Variants in SLC8A3 observed in about 807,000 individuals in gnomAD.
SLC8A3 encodes the protein sodium/calcium exchanger 3.
A neutral mutation model predicts 65.4 loss-of-function variants in SLC8A3; 37 were observed. The observed-to-expected ratio is 0.57, with a 90% CI of 0.44 to 0.74. The LOEUF (loss-of-function observed/expected upper bound fraction) is 0.74. Among genes scored for constraint, SLC8A3 ranks in the 30% least tolerant of loss-of-function variants. The pLI, the probability that SLC8A3 is intolerant of heterozygous loss-of-function variation, is 0.00. For missense variants in SLC8A3, 1,112 were observed against 1,172.1 expected (o/e 0.95, Z 0.75); for synonymous variants, 461 against 444.5 (o/e 1.04, Z -0.47).
intron 2 of SLC8A3, among the ~76,000 whole-genome samples, chr14:70,141,986 C>A (rs1044591581): frequency 6.6e-6 from 1 of 152,176 alleles, no homozygotes; most frequent in Non-Finnish European, 1.5e-5. Flanking sequence ...GCCTCCCTCT[C>A]ACCAGTGACC....
rs571163935 is a variant in SLC8A3, at chr14:70,073,340, C to T, written c.1785-12401G>A. On this transcript the variant is annotated intron_variant, in intron 2 of 6. Transcript: ENST00000356921. ...CATATCAGTGGGTCTGTGAAGGTTT[C>T]ATCTCTGCATGTGACTCAGTTACTT... 2.0e-5 allele frequency among the ~76,000 whole-genome samples: 3 copies of T among 152,276 alleles called. No individual in the cohort carries two copies. In the South Asian group the frequency reaches 6.2e-4, roughly 32 times the overall value.
intron 3 of SLC8A3, 138 bp from the exon 4 acceptor site, chr14:70,052,252 C>T: frequency 1.8e-6 from 2 of 1,087,832 alleles, no homozygotes; most frequent in South Asian, 4.4e-5. Flanking sequence ...ATTTTTAGTG[C>T]CTTTTTTATG....
chr14:70,046,222 C>A lies in SLC8A3; in HGVS notation c.2491G>T (p.Gly831Cys). ...SNAVNVFLGI[G>C]LAWSVAAIYW... is the part of the protein sequence containing the mutation. ...ATGGCGGCCACGGACCAGGCCAGGC[C>A]GATGCCCAGGAAGACATTGACGGCG... The change falls in exon 7 of 7, where the codon GGC (glycine) becomes TGC (cysteine). Residue 831 changes from glycine (G) to cysteine (C), a missense_variant. Coordinates refer to ENST00000356921, the MANE Select transcript of SLC8A3 (RefSeq NM_182932.3). The surrounding 1 kb of genome is among the most constrained non-coding windows in gnomAD (Gnocchi z 4.2). 2 of 1,614,210 alleles carry A rather than the reference C, an allele frequency of 1.2e-6. No homozygotes were observed. The highest frequency in any genetic ancestry group is 1.7e-6 in the Non-Finnish European group (2 of 1,180,028).
chr14:70,046,100 G>A lies in SLC8A3; in HGVS notation c.2613C>T (p.Ser871=), dbSNP rs1236359162. 2 of 1,614,202 alleles carry A rather than the reference G, an allele frequency of 1.2e-6. No individual in the cohort carries two copies. Among genetic ancestry groups the A allele is most frequent in the Non-Finnish European group, 8.5e-7 (1 of 1,180,012 alleles). The change falls in exon 7 of 7, where the codon AGC becomes AGT. Residue 871 remains serine, a synonymous_variant. Coordinates refer to ENST00000356921, the MANE Select transcript of SLC8A3 (RefSeq NM_182932.3). The surrounding 1 kb of genome is among the most constrained non-coding windows in gnomAD (Gnocchi z 4.2). ...LFTIFAFVCI[S]VLLYRRRPHL... is the part of the protein sequence containing the mutation. Reference sequence around the variant, plus strand: ...GCGGCCGCCTTCGGTACAAGAGCACGCTGATGCAGACAAATGCAAAGATGG... The same window carrying A: ...GCGGCCGCCTTCGGTACAAGAGCACACTGATGCAGACAAATGCAAAGATGG...
chr14:70,181,924 A>G (rs1287297872), intron 1 of SLC8A3, among the ~76,000 whole-genome samples: 1 of 152,242 alleles, frequency 6.6e-6, no homozygotes, highest in Admixed American at 6.5e-5. Context: ...TCGTACAGTC[A>G]TGGTAAGGAT....
chr14:70,048,733 C>T, intron 6 of SLC8A3, 34 bp downstream of exon 6: 2 of 1,598,726 alleles, frequency 1.3e-6, no homozygotes, highest in African/African-American at 1.3e-5. Context: ...CAGGTAAAAT[C>T]CTCTTTGCAA....
intron 2 of SLC8A3, among the ~76,000 whole-genome samples, chr14:70,132,098 C>G (rs1438482423): frequency 6.6e-6 from 1 of 152,204 alleles, no homozygotes; most frequent in Admixed American, 6.5e-5. Context: ...AAGCCTGGAG[C>G]CCTTGGCTCT....
At chr14:70,105,125 C>T (rs1334285233) in intron 2 of SLC8A3, among the ~76,000 whole-genome samples, 1 of 152,034 alleles carries the variant, frequency 6.6e-6, no homozygotes, top group Non-Finnish European at 1.5e-5. Flanking sequence ...GTCAGGAGAT[C>T]GAGACCATCC....
chr14:70,154,778 G>C (rs770895391), intron 2 of SLC8A3, among the ~76,000 whole-genome samples: 4 of 151,982 alleles, frequency 2.6e-5, no homozygotes, highest in Non-Finnish European at 5.9e-5. Context: ...ACACTGAAAT[G>C]ATTTTTTTCC....
At chr14:70,146,150 G>A (rs529540380) in intron 2 of SLC8A3, among the ~76,000 whole-genome samples, 2 of 152,162 alleles carry the variant, frequency 1.3e-5, no homozygotes, top group Admixed American at 6.5e-5. Flanking sequence ...CAGCCCACCC[G>A]TAGCCAGCTC....
At chr14:70,125,722 G>C (rs938221071) in intron 2 of SLC8A3, among the ~76,000 whole-genome samples, 10 of 152,074 alleles carry the variant, frequency 6.6e-5, no homozygotes, top group African/African-American at 2.2e-4. Context: ...TCATATGGTA[G>C]TTCTATTTTC....
chr14:70,187,941 C>G (rs1883469933), intron 1 of SLC8A3, among the ~76,000 whole-genome samples: 1 of 152,098 alleles, frequency 6.6e-6, no homozygotes, highest in African/African-American at 2.4e-5. Flanking sequence ...CTCACAGCAC[C>G]AGAAGCACAA....
chr14:70,068,221 G>A (rs1423525396), intron 2 of SLC8A3, among the ~76,000 whole-genome samples: 1 of 152,190 alleles, frequency 6.6e-6, no homozygotes, highest in Non-Finnish European at 1.5e-5. Context: ...AGTTCCTTTA[G>A]AGTGAAAGTG....
chr14:70,109,494 T>C (rs971811618), intron 2 of SLC8A3, among the ~76,000 whole-genome samples: 17 of 151,596 alleles, frequency 1.1e-4, no homozygotes, highest in African/African-American at 4.1e-4. Flanking sequence ...TCACTCTGTT[T>C]CCCAGTCTGG....
chr14:70,167,787 A>G lies in SLC8A3; in HGVS notation c.636T>C (p.Phe212=), dbSNP rs775514767. The G allele has an allele frequency of 3.9e-5, 63 of 1,614,090 alleles. No homozygotes were observed. The highest frequency in any genetic ancestry group is 4.2e-5 in the Non-Finnish European group (50 of 1,180,036). ...GAATCATATAGAGCCAGATGTAGGC[A>G]AAGATACTCCAAGCAGCGGTGATGA... The part of the protein sequence containing the change: ...VFFITAAWSI[F]AYIWLYMILA... Residue 212 remains phenylalanine, a synonymous_variant, in exon 2 of 7, where the codon TTT becomes TTC. Coordinates refer to ENST00000356921, the MANE Select transcript of SLC8A3 (RefSeq NM_182932.3).
chr14:70,126,239 T>TTCAATCAATCAA (rs76183916), intron 2 of SLC8A3, among the ~76,000 whole-genome samples: 10 of 151,952 alleles, frequency 6.6e-5, no homozygotes, highest in Non-Finnish European at 1.3e-4. Context: ...ACATTGCTTC[T>TTCAATCAATCAA]TCAATCAATC....
At chr14:70,148,447 A>G (rs547737014) in intron 2 of SLC8A3, among the ~76,000 whole-genome samples, 2 of 152,282 alleles carry the variant, frequency 1.3e-5, no homozygotes, top group East Asian at 3.9e-4. Context: ...CTTTTGAGGA[A>G]AGGAATACAG....
At chr14:70,187,271 GAA>G (rs1883330549) in intron 1 of SLC8A3, 1 of 137,592 alleles carries the variant, frequency 7.3e-6, no homozygotes, top group Non-Finnish European at 1.6e-5. Context: ...GAGAGAGAGA[GAA>G]AGAGAGAGAG....
chr14:70,166,862 CTG>C lies in SLC8A3; in HGVS notation c.1559_1560del (p.Thr520SerfsTer6). 5 of 1,614,152 alleles carry C rather than the reference CTG, an allele frequency of 3.1e-6. No homozygotes were observed. The highest frequency in any genetic ancestry group is 4.2e-6 in the Non-Finnish European group (5 of 1,179,996). On this transcript the variant is annotated frameshift_variant, in exon 2 of 7. Coordinates refer to ENST00000356921, the MANE Select transcript of SLC8A3 (RefSeq NM_182932.3). LOFTEE classifies it high-confidence loss of function. ...GCATGGTCATCATCCAAGATGGTAACTGTGGCCACACAAGGGGAGGCTAGGAC... is the reference window on the plus strand; with the variant it reads ...GCATGGTCATCATCCAAGATGGTAACTGGCCACACAAGGGGAGGCTAGGAC... Reference protein sequence around the residue: ...RAVLASPCVATVTILDDDHAG... With the variant: ...RAVLASPCVAXVTILDDDHAG...
Sources: gnomAD v4.1 joint callset for allele counts (sites outside exome capture counted in the v4.1 genomes callset) on GRCh38, gnomAD v4.1.1 for gene constraint, Gnocchi (gnomAD v3.1) non-coding constraint, MANE v1.5 for transcripts, NCBI Gene and HGNC (gene_info 2026-07-23, HGNC 2026-07-21) for gene names.